The following ARHGEF28 variants were observed in gnomAD, a reference collection of about 807,000 sequenced individuals.
ARHGEF28 encodes 190 kDa guanine nucleotide exchange factor.
In ARHGEF28, 152 loss-of-function variants were observed where a neutral mutation model predicts 206.6. The ratio of observed to expected loss-of-function variants is 0.74; its 90% CI spans 0.64 to 0.84. The LOEUF is 0.84. ARHGEF28 is among the 40% of genes least tolerant of loss of function. The pLI is 0.00. For missense variants in ARHGEF28, 2,028 were observed against 2,073.2 expected (o/e 0.98, Z 0.42); for synonymous variants, 763 against 776.4 (o/e 0.98, Z 0.29).
chr5:73,885,029 G>C (rs1761176077), intron 24 of ARHGEF28, among the ~76,000 whole-genome samples: 1 of 150,184 alleles, frequency 6.7e-6, no homozygotes, highest in African/African-American at 2.5e-5. Context: ...TAAATAAAAT[G>C]GTCAAAGAAA....
chr5:73,869,222 T>TTGGG (rs1554072926), intron 20 of ARHGEF28, among the ~76,000 whole-genome samples: 1 of 99,292 alleles, frequency 1.0e-5, no homozygotes, highest in Non-Finnish European at 2.0e-5. Context: ...GTGTGTGGGG[T>TTGGG]GGAGGGGGGT....
At position 73,909,850 on chromosome 5, in the gene ARHGEF28, G is replaced by T; in HGVS notation, c.4600G>T (p.Gly1534Cys). ...QQSLLGHWKHGRQRSLPAVLL... is the reference protein window; with the variant it reads ...QQSLLGHWKHCRQRSLPAVLL... Reference sequence around the variant, plus strand: ...GAGCCTGCTGGGCCACTGGAAGCACGGCCGGCAGAGGAGCCTGCCCGCGGT... The same window carrying T: ...GAGCCTGCTGGGCCACTGGAAGCACTGCCGGCAGAGGAGCCTGCCCGCGGT... The change falls in exon 34 of 36, where the codon GGC (glycine) becomes TGC (cysteine). Residue 1534 changes from glycine to cysteine, a missense_variant. Physicochemically the swap from Gly to Cys is radical, Grantham distance 159. Around this residue, in one of 3 missense-constraint regions of ARHGEF28, gnomAD observed 803 missense variants for 768.0 expected, o/e 1.05. Coordinates refer to ENST00000513042, the MANE Select transcript of ARHGEF28 (RefSeq NM_001177693.2). 2 of 1,538,772 alleles carry T rather than the reference G, an allele frequency of 1.3e-6. No homozygotes were observed. The highest frequency in any genetic ancestry group is 1.7e-6 in the Non-Finnish European group (2 of 1,155,284).
At chr5:73,780,591 G>C in intron 6 of ARHGEF28, 85 bp from the exon 7 acceptor site, 1 of 1,354,156 alleles carries the variant, frequency 7.4e-7, no homozygotes, top group East Asian at 2.5e-5. Context: ...ATCATTGATA[G>C]TGACTTTTGC....
rs187250262 is a variant in ARHGEF28, at chr5:73,650,245, C to T, written c.-12+23923C>T. Among the ~76,000 whole-genome samples, 5 of 149,934 alleles carry T rather than the reference C, an allele frequency of 3.3e-5. No homozygotes were observed. In the East Asian group the frequency reaches 7.9e-4, roughly 24 times the overall value. On this transcript the variant is annotated intron_variant, in intron 1 of 35. Coordinates refer to ENST00000513042, the MANE Select transcript of ARHGEF28 (RefSeq NM_001177693.2). ...CACTTATAGGCATTGGAATCTGGCC[C>T]GTTCATCACCTGAGAGATGTTTTCT...
intron 2 of ARHGEF28, among the ~76,000 whole-genome samples, chr5:73,704,022 T>TAAA (rs11386247): frequency 1.4e-5 from 2 of 144,972 alleles, no homozygotes; most frequent in Non-Finnish European, 1.5e-5. Context: ...AGACTCTGTC[T>TAAA]AAAAAAAAAA....
intron 1 of ARHGEF28, among the ~76,000 whole-genome samples, chr5:73,649,570 C>T (rs1744665199): frequency 6.6e-6 from 1 of 152,250 alleles, no homozygotes. Context: ...TGCCCAGGGG[C>T]ATGCTCCTAG....
chr5:73,784,839 C>G (rs1018185875), intron 7 of ARHGEF28, among the ~76,000 whole-genome samples: 5 of 152,122 alleles, frequency 3.3e-5, no homozygotes, highest in African/African-American at 1.2e-4. Flanking sequence ...TAACAATATG[C>G]AAGTATCACT....
chr5:73,735,698 C>G (rs971521799), intron 2 of ARHGEF28, among the ~76,000 whole-genome samples: 1 of 152,202 alleles, frequency 6.6e-6, no homozygotes, highest in Non-Finnish European at 1.5e-5. Context: ...TGTTACTCCC[C>G]TGCTCAAAAC....
At chr5:73,698,448 C>T (rs1001970623) in intron 2 of ARHGEF28, among the ~76,000 whole-genome samples, 3 of 152,064 alleles carry the variant, frequency 2.0e-5, no homozygotes, top group African/African-American at 4.8e-5. Context: ...CAAATTTGAT[C>T]CATTTTGAAA....
At chr5:73,643,043 G>A (rs1744223525) in intron 1 of ARHGEF28, among the ~76,000 whole-genome samples, 1 of 152,188 alleles carries the variant, frequency 6.6e-6, no homozygotes, top group Non-Finnish European at 1.5e-5. Flanking sequence ...TTTGTTCTGA[G>A]AGTAAATTCA....
At chr5:73,903,378 T>C (rs1054423369) in intron 31 of ARHGEF28, 22 of 152,168 alleles carry the variant, frequency 1.4e-4, no homozygotes, top group African/African-American at 5.1e-4. Flanking sequence ...TGAGTGTCCG[T>C]GCTATGTCAA....
chr5:73,650,254 C>T (rs958497122), intron 1 of ARHGEF28, among the ~76,000 whole-genome samples: 2 of 149,960 alleles, frequency 1.3e-5, no homozygotes, highest in African/African-American at 2.5e-5. Context: ...CCGTTCATCA[C>T]CTGAGAGATG....
chr5:73,906,347 T>G (rs888757334), intron 33 of ARHGEF28, among the ~76,000 whole-genome samples: 4 of 152,232 alleles, frequency 2.6e-5, no homozygotes, highest in Non-Finnish European at 4.4e-5. Flanking sequence ...GAAGCCATTC[T>G]GCCACCTCAG....
At chr5:73,688,308 C>G (rs1272814432) in intron 2 of ARHGEF28, among the ~76,000 whole-genome samples, 1 of 152,060 alleles carries the variant, frequency 6.6e-6, no homozygotes, top group South Asian at 2.1e-4. Context: ...AAAAGGGCAC[C>G]TCATTCAGAT....
At chr5:73,910,281 T>C (rs373056341) in intron 34 of ARHGEF28, among the ~76,000 whole-genome samples, 40 of 144,110 alleles carry the variant, frequency 2.8e-4, no homozygotes, top group African/African-American at 1.0e-3. Context: ...CTCAGGAGGC[T>C]GAGGCAGGAG....
Position 73,904,397 on chromosome 5 carries a change from A to G in ARHGEF28, c.4153A>G (p.Ser1385Gly), listed in dbSNP as rs376920806. ...ACAGAATTTAACCCGTCTCTTATAC[A>G]GCCTTCAGGTAACTATCCTCCTCTA... ...AIQNLTRLLY[S>G]LQAALTIQDS... The change falls in exon 33 of 36, where the codon AGC (serine) becomes GGC (glycine). Residue 1385 changes from serine (S) to glycine (G), a missense_variant. By Grantham distance (56) the Ser-to-Gly change is moderately conservative (BLOSUM62 0). Coordinates refer to ENST00000513042, the MANE Select transcript of ARHGEF28 (RefSeq NM_001177693.2). 4.3e-6 allele frequency: 7 copies of G among 1,610,928 alleles called. No individual in the cohort carries two copies. In the African/African-American group the frequency reaches 9.4e-5, roughly 22 times the overall value.
intron 12 of ARHGEF28, among the ~76,000 whole-genome samples, chr5:73,847,214 G>A (rs770837665): frequency 5.9e-5 from 9 of 152,006 alleles, no homozygotes; most frequent in Admixed American, 1.3e-4. Flanking sequence ...TCTTTCTAAC[G>A]TATGGTTGTT....
At chr5:73,700,072 A>G (rs1034372089) in intron 2 of ARHGEF28, among the ~76,000 whole-genome samples, 1 of 152,202 alleles carries the variant, frequency 6.6e-6, no homozygotes, top group African/African-American at 2.4e-5. Context: ...TATGTAAAGA[A>G]AGTTACATAT....
chr5:73,906,090 AC>A (rs775494021), intron 33 of ARHGEF28, among the ~76,000 whole-genome samples: 16 of 152,286 alleles, frequency 1.1e-4, no homozygotes, highest in Middle Eastern at 3.4e-3. Flanking sequence ...CTCTATCAAG[AC>A]TTCTTTCTCT....
Sources: allele counts gnomAD v4.1 joint callset (sites outside exome capture counted in the v4.1 genomes callset), GRCh38; gene constraint gnomAD v4.1.1; regional missense constraint gnomAD v4.1.1; transcripts MANE v1.5; gene names NCBI Gene and HGNC (gene_info 2026-07-23, HGNC 2026-07-21).